The following SLCO3A1 variants were observed in gnomAD, a reference collection of about 807,000 sequenced individuals.
The protein encoded by SLCO3A1 is PGE1 transporter.
In SLCO3A1, 27 loss-of-function variants were observed where a neutral mutation model predicts 63.1. That is an observed-to-expected ratio of 0.43 (90% confidence interval 0.32 to 0.59). The LOEUF (loss-of-function observed/expected upper bound fraction) is 0.59, where lower values mean the gene tolerates loss of function less well. SLCO3A1 is among the 20% of genes least tolerant of loss of function. SLCO3A1 has a pLI of 0.09. For synonymous variants in SLCO3A1, 473 were observed against 409.9 expected, an observed-to-expected ratio of 1.15 and a Z score of -1.86; for missense variants, 773 against 945.8, an observed-to-expected ratio of 0.82 and a Z score of 2.40.
At chr15:92,071,179 A>G (rs945989959) in intron 2 of SLCO3A1, among the ~76,000 whole-genome samples, 2 of 152,150 alleles carry the variant, frequency 1.3e-5, no homozygotes, top group Non-Finnish European at 2.9e-5. Flanking sequence ...GACGTTGGAA[A>G]TACCCTCCTG....
At position 91,854,275 on chromosome 15, in the gene SLCO3A1, G is replaced by A. The variant is rs1896853681; in HGVS notation, c.180+187G>A. Reference sequence around the variant, plus strand: ...CTGCCGGCCGGGGCTGCCAGCGAGCGGGTAGCGGGCGGGACCGTTGATGCC... The same window carrying A: ...CTGCCGGCCGGGGCTGCCAGCGAGCAGGTAGCGGGCGGGACCGTTGATGCC... On this transcript the variant is annotated intron_variant, in intron 1 of 9. Transcript: ENST00000318445. This position sits in a 1 kb window ranked among gnomAD's most constrained non-coding sequence, Gnocchi z 6.4. 1.7e-6 allele frequency: 2 copies of A among 1,148,968 alleles called. No individual in the cohort carries two copies. The highest frequency in any genetic ancestry group is 4.4e-5 in the South Asian group (1 of 22,796). 71.2% of individuals were successfully genotyped at this position (1,148,968 alleles called of 1,614,324 possible).
intron 9 of SLCO3A1, among the ~76,000 whole-genome samples, chr15:92,156,634 C>CTT: frequency 6.6e-6 from 1 of 152,350 alleles, no homozygotes; most frequent in South Asian, 2.1e-4. Context: ...AGCCCAGATT[C>CTT]TTTCTTGGCA....
chr15:92,165,266 G>A lies in SLCO3A1; in HGVS notation c.*2131G>A. 2 of 985,380 alleles carry A rather than the reference G, an allele frequency of 2.0e-6. No homozygotes were observed. The highest frequency in any genetic ancestry group is 3.5e-5 in the African/African-American group (2 of 57,342). The allele number at this position is 985,380 out of a possible 1,614,324, so 61.0% of individuals were successfully genotyped here. ...TTAGTATGTCCTTGCTTATGAAAAT[G>A]GGGACACTCATCAGTACGTTAACTA... On this transcript the variant is annotated 3_prime_UTR_variant, in exon 10 of 10. Transcript: ENST00000318445.
rs959257069 is a variant in SLCO3A1, at chr15:92,164,970, G to C, written c.*1835G>C. 6 of 985,172 alleles carry C rather than the reference G, an allele frequency of 6.1e-6. No individual in the cohort carries two copies. The African/African-American group carries it at 1.0e-4, about 17-fold the overall frequency. The allele number at this position is 985,172 out of a possible 1,614,324, so 61.0% of individuals were successfully genotyped here. A position where few individuals can be genotyped will look rare whatever the true frequency, so the allele number is the denominator to read the frequency against. ...GCGCTGGAAAAAAAACTCAAAGGTT[G>C]ATTGGTTTGCTTTTTCACCTTGGAC... is the stretch of plus-strand genomic sequence containing the variant. On this transcript the variant is annotated 3_prime_UTR_variant, in exon 10 of 10. Coordinates refer to ENST00000318445, the MANE Select transcript of SLCO3A1 (RefSeq NM_013272.4).
rs191436459 is a variant in SLCO3A1, at chr15:92,072,183, A to C, written c.647-22698A>C. On this transcript the variant is annotated intron_variant, in intron 2 of 9. Transcript: ENST00000318445. ...AAAAATGCGAAGCCTGATAAGCGTAACCACCATTCTTTTTTTTGGTTTTTT... is the reference window on the plus strand; with the variant it reads ...AAAAATGCGAAGCCTGATAAGCGTACCCACCATTCTTTTTTTTGGTTTTTT... 6.7e-5 allele frequency among the ~76,000 whole-genome samples: 10 copies of C among 149,162 alleles called. No homozygotes were observed. In the East Asian group the frequency reaches 1.8e-3, roughly 26 times the overall value.
chr15:91,864,607 C>T (rs888094161), intron 1 of SLCO3A1, among the ~76,000 whole-genome samples: 2 of 150,194 alleles, frequency 1.3e-5, no homozygotes, highest in African/African-American at 4.9e-5. Flanking sequence ...CCTTCTGATG[C>T]TTAGGATTTC....
At chr15:92,160,794 CG>C (rs1316091353) in intron 9 of SLCO3A1, among the ~76,000 whole-genome samples, 1 of 152,050 alleles carries the variant, frequency 6.6e-6, no homozygotes, top group Non-Finnish European at 1.5e-5. Flanking sequence ...TCATTAAAAC[CG>C]GGGGAAGGGC....
At chr15:92,032,508 A>G (rs2046664941) in intron 2 of SLCO3A1, among the ~76,000 whole-genome samples, 1 of 152,056 alleles carries the variant, frequency 6.6e-6, no homozygotes, top group South Asian at 2.1e-4. Context: ...GAGGGTGTGT[A>G]TGGTCGGTGC....
chr15:91,931,821 A>ACACACT (rs1323570307), intron 2 of SLCO3A1, among the ~76,000 whole-genome samples: 9 of 151,262 alleles, frequency 5.9e-5, no homozygotes, highest in Non-Finnish European at 1.2e-4. Context: ...ACACACACAC[A>ACACACT]CTCACACAGG....
rs749087736 is a variant in SLCO3A1 at position 92,126,152 on chromosome 15, G to T, written c.1266G>T (p.Arg422=). Residue 422 remains arginine, a synonymous_variant, in exon 6 of 10, where the codon CGG becomes CGT. Transcript: ENST00000318445. ...GCCTGTCTGCCCTGGGGGCCATTCG[G>T]ATGGCCATGCTCGTCAACCTGGTGT... ...KLSLSALGAI[R]MAMLVNLVST... is the part of the protein sequence containing the mutation. 1.2e-6 allele frequency: 2 copies of T among 1,613,852 alleles called. No homozygotes were observed. The highest frequency in any genetic ancestry group is 2.2e-5 in the South Asian group (2 of 91,070).
At chr15:92,105,176 G>C (rs1036998308) in intron 4 of SLCO3A1, among the ~76,000 whole-genome samples, 1 of 152,074 alleles carries the variant, frequency 6.6e-6, no homozygotes, top group Non-Finnish European at 1.5e-5. Context: ...TGAGGCAGGA[G>C]AATCGCTTGA....
intron 2 of SLCO3A1, among the ~76,000 whole-genome samples, chr15:91,933,068 T>G (rs1173951661): frequency 6.6e-6 from 1 of 152,140 alleles, no homozygotes; most frequent in Non-Finnish European, 1.5e-5. Context: ...GGAGGAAAAA[T>G]CCTCCCCAAT....
chr15:92,165,685 G>A lies in SLCO3A1; in HGVS notation c.*2550G>A, dbSNP rs182026643. ...GGATGGCTCTGAATTCTGTTGTGTC[G>A]TCTTTTAAAATTTTAATTATTCTCA... On this transcript the variant is annotated 3_prime_UTR_variant, in exon 10 of 10. Transcript: ENST00000318445. 7.0e-4 allele frequency: 687 copies of A among 985,164 alleles called. No homozygotes were observed. Among genetic ancestry groups the A allele is most frequent in the Non-Finnish European group, 7.7e-4 (643 of 829,796 alleles). The allele number at this position is 985,164 out of a possible 1,614,324, so 61.0% of individuals were successfully genotyped here.
intron 1 of SLCO3A1, among the ~76,000 whole-genome samples, chr15:91,896,466 C>T (rs1282474817): frequency 1.1e-4 from 16 of 152,168 alleles, no homozygotes; most frequent in Admixed American, 1.0e-3. Context: ...AATTGTAGCT[C>T]CATAATCCCC....
intron 2 of SLCO3A1, among the ~76,000 whole-genome samples, chr15:91,978,018 T>C (rs887105303): frequency 6.6e-6 from 1 of 152,194 alleles, no homozygotes; most frequent in Non-Finnish European, 1.5e-5. Context: ...ATCCTGAATA[T>C]TGAAATAATT....
chr15:92,054,026 A>G (rs985183562), intron 2 of SLCO3A1, among the ~76,000 whole-genome samples: 2 of 152,114 alleles, frequency 1.3e-5, no homozygotes, highest in African/African-American at 4.8e-5. Flanking sequence ...TGTTCTCACC[A>G]TCCGTTTATT....
At chr15:92,149,689 G>A (rs1037053507) in intron 8 of SLCO3A1, 1 of 152,240 alleles carries the variant, frequency 6.6e-6, no homozygotes, top group African/African-American at 2.4e-5. Context: ...CTCAAGCCAA[G>A]AAGGATTCTT....
intron 2 of SLCO3A1, among the ~76,000 whole-genome samples, chr15:91,923,631 A>T (rs1187566897): frequency 1.3e-5 from 2 of 152,248 alleles, no homozygotes; most frequent in African/African-American, 4.8e-5. Flanking sequence ...CTTTTAAATA[A>T]CGTATTCTTA....
chr15:91,980,618 G>A (rs1160084745), intron 2 of SLCO3A1, among the ~76,000 whole-genome samples: 1 of 152,000 alleles, frequency 6.6e-6, no homozygotes, highest in Non-Finnish European at 1.5e-5. Context: ...CATTCCATAA[G>A]AAGCGTAGCC....
Sources: gnomAD v4.1 joint callset for allele counts (sites outside exome capture counted in the v4.1 genomes callset) on GRCh38, gnomAD v4.1.1 for gene constraint, Gnocchi (gnomAD v3.1) non-coding constraint, MANE v1.5 for transcripts, NCBI Gene and HGNC (gene_info 2026-07-23, HGNC 2026-07-21) for gene names.